CBFA2T2: variants seen among roughly 807,000 people sequenced by gnomAD.
CBFA2T2 encodes protein CBFA2T2.
A neutral mutation model predicts 62.2 loss-of-function variants in CBFA2T2; 11 were observed. The ratio of observed to expected loss-of-function variants is 0.18; its 90% CI spans 0.11 to 0.29. The LOEUF (loss-of-function observed/expected upper bound fraction) is 0.29. Among genes scored for constraint, CBFA2T2 ranks in the 10% least tolerant of loss-of-function variants. The probability of loss-of-function intolerance (pLI) is 1.00; values close to 1 mark genes in which losing one functional copy is unlikely to be tolerated. For synonymous variants in CBFA2T2, 295 were observed against 287.5 expected (o/e 1.03, Z -0.27); for missense variants, 592 against 774.1 (o/e 0.76, Z 2.79).
intron 1 of CBFA2T2, among the ~76,000 whole-genome samples, chr20:33,512,750 CTT>C (rs1219735208): frequency 4.0e-4 from 55 of 137,112 alleles, no homozygotes; most frequent in East Asian, 4.2e-4. Flanking sequence ...GTATGTATGT[CTT>C]TTTTTTTTTT....
chr20:33,630,575 T>G (rs1334787058), intron 8 of CBFA2T2, among the ~76,000 whole-genome samples: 1 of 152,188 alleles, frequency 6.6e-6, no homozygotes. Context: ...CCCTTGCCTT[T>G]CAGAGTCTGA....
At position 33,629,827 on chromosome 20, in the gene CBFA2T2, T is replaced by G; in HGVS notation, c.1141T>G (p.Tyr381Asp). The G allele has an allele frequency of 6.2e-7, 1 of 1,613,922 alleles. No homozygotes were observed. Among genetic ancestry groups the G allele is most frequent in the Non-Finnish European group, 8.5e-7 (1 of 1,179,922 alleles). The change falls in exon 8 of 11, where the codon TAC (tyrosine) becomes GAC (aspartate). Residue 381 changes from tyrosine to aspartate, a missense_variant. This residue lies in a region of CBFA2T2 where 449 missense variants were observed against 551.2 expected (regional missense o/e 0.81). Coordinates refer to ENST00000342704, the MANE Select transcript of CBFA2T2 (RefSeq NM_001032999.3). ...REELNYWKRR[Y>D]NENTELRKTG... ...AGAACTCAACTACTGGAAAAGACGG[T>G]ACAATGAAAACACAGAGCTGAGGAA...
At chr20:33,641,349 C>G (rs1260293216) in intron 10 of CBFA2T2, among the ~76,000 whole-genome samples, 1 of 152,058 alleles carries the variant, frequency 6.6e-6, no homozygotes, top group African/African-American at 2.4e-5. Context: ...TGTCCAGGAC[C>G]CAGGATCCAG....
At chr20:33,516,048 G>A (rs2011594417) in intron 1 of CBFA2T2, among the ~76,000 whole-genome samples, 1 of 151,036 alleles carries the variant, frequency 6.6e-6, no homozygotes, top group Non-Finnish European at 1.5e-5. Context: ...GAGGCAGGAG[G>A]AGGCTAAGCC....
At position 33,640,330 on chromosome 20, in the gene CBFA2T2, C is replaced by T. The variant is rs2016783044; in HGVS notation, c.1298-11C>T. 1.2e-6 allele frequency: 2 copies of T among 1,606,736 alleles called. No individual in the cohort carries two copies. Among genetic ancestry groups the T allele is most frequent in the Middle Eastern group, 3.3e-4 (2 of 6,032 alleles). On this transcript the variant is annotated splice_polypyrimidine_tract_variant and intron_variant, in intron 9 of 10. Coordinates refer to ENST00000342704, the MANE Select transcript of CBFA2T2 (RefSeq NM_001032999.3). ...TCTCGGCCAGTTGATTTTACTGTCA[C>T]TTTCTTCTAGAAGAAGCTGTGAATA...
At chr20:33,575,063 A>G (rs1174620909) in intron 1 of CBFA2T2, among the ~76,000 whole-genome samples, 2 of 152,218 alleles carry the variant, frequency 1.3e-5, no homozygotes, top group African/African-American at 2.4e-5. Flanking sequence ...TTTTCATTTT[A>G]TCTGCAGGAT....
At chr20:33,626,160 A>G (rs1215018215) in intron 6 of CBFA2T2, among the ~76,000 whole-genome samples, 1 of 152,204 alleles carries the variant, frequency 6.6e-6, no homozygotes, top group African/African-American at 2.4e-5. Flanking sequence ...GGACTGCTTG[A>G]GCCCAAGAGG....
At chr20:33,534,717 A>T (rs975574938) in intron 1 of CBFA2T2, among the ~76,000 whole-genome samples, 7 of 151,196 alleles carry the variant, frequency 4.6e-5, no homozygotes, top group African/African-American at 7.3e-5. Flanking sequence ...TCTTTCAAAG[A>T]ATAGAGTTAA....
At chr20:33,573,528 C>CT (rs1489375666) in intron 1 of CBFA2T2, among the ~76,000 whole-genome samples, 1 of 151,812 alleles carries the variant, frequency 6.6e-6, no homozygotes, top group Non-Finnish European at 1.5e-5. Context: ...ATCGCCCAGG[C>CT]TGAAGTGCAG....
intron 9 of CBFA2T2, among the ~76,000 whole-genome samples, chr20:33,637,590 G>A (rs1306102858): frequency 6.6e-6 from 1 of 151,850 alleles, no homozygotes; most frequent in East Asian, 1.9e-4. Context: ...CCTTGTTGAT[G>A]ACACTCAATA....
chr20:33,534,466 C>T (rs550181256), intron 1 of CBFA2T2, among the ~76,000 whole-genome samples: 7 of 152,098 alleles, frequency 4.6e-5, no homozygotes, highest in Non-Finnish European at 8.8e-5. Context: ...GCACGCGCCA[C>T]CACGCCCGGC....
intron 1 of CBFA2T2, among the ~76,000 whole-genome samples, chr20:33,535,597 G>GT (rs1161090346): frequency 2.2e-5 from 3 of 136,704 alleles, no homozygotes; most frequent in African/African-American, 9.6e-5. Context: ...CATGGATTGA[G>GT]TTTTATTTTT....
At chr20:33,604,246 T>C (rs2015252139) in intron 1 of CBFA2T2, among the ~76,000 whole-genome samples, 1 of 152,192 alleles carries the variant, frequency 6.6e-6, no homozygotes, top group South Asian at 2.1e-4. Context: ...AGGATTTCTA[T>C]CTTCTAATCA....
In CBFA2T2 at chr20:33,554,437, C is replaced by T. The variant is rs149943526; in HGVS notation, c.35-52519C>T. Among the ~76,000 whole-genome samples the T allele has an allele frequency of 2.3e-3, 351 of 151,276 alleles. 1 individual carries two copies. Among genetic ancestry groups the T allele is most frequent in the African/African-American group, 7.9e-3 (327 of 41,292 alleles). ...CTAGGTTTTGTATTTTTAGTAGAGA[C>T]GGGGTTTCACCATGTTGACCAGGCT... On this transcript the variant is annotated intron_variant, in intron 1 of 10. Coordinates refer to ENST00000342704, the MANE Select transcript of CBFA2T2 (RefSeq NM_001032999.3).
intron 2 of CBFA2T2, among the ~76,000 whole-genome samples, chr20:33,610,857 G>T (rs982090453): frequency 1.3e-5 from 2 of 152,126 alleles, no homozygotes; most frequent in African/African-American, 2.4e-5. Flanking sequence ...TGTAGAGTTA[G>T]ATTTCCCTTC....
chr20:33,604,734 T>A (rs558178765), intron 1 of CBFA2T2, among the ~76,000 whole-genome samples: 2 of 152,206 alleles, frequency 1.3e-5, no homozygotes, highest in Non-Finnish European at 1.5e-5. Flanking sequence ...TAGAGCCAGG[T>A]GGTCTGAAGA....
rs1555840419 is a variant in CBFA2T2 at position 33,592,382 on chromosome 20, A to ATATATATATATATATAATTATGTAAAAAT, written c.35-14564_35-14563insTATATAATTATGTAAAAATTATATATATA. On this transcript the variant is annotated intron_variant, in intron 1 of 10. Coordinates refer to ENST00000342704, the MANE Select transcript of CBFA2T2 (RefSeq NM_001032999.3). Reference sequence around the variant, plus strand: ...CTGTCTCAAAAAAAATTTTATATATATATATATATAATTATGTAAAAATTA... The same window carrying ATATATATATATATATAATTATGTAAAAAT: ...CTGTCTCAAAAAAAATTTTATATATATATATATATATATATAATTATGTAAAAATTATATATATAATTATGTAAAAATTA... 9.7e-4 allele frequency among the ~76,000 whole-genome samples: 139 copies of ATATATATATATATATAATTATGTAAAAAT among 142,602 alleles called. 1 individual carries two copies. Among genetic ancestry groups the ATATATATATATATATAATTATGTAAAAAT allele is most frequent in the South Asian group, 1.5e-3 (7 of 4,550 alleles). The allele number at this position is 142,602 out of a possible 152,430, so 93.6% of individuals were successfully genotyped here.
intron 1 of CBFA2T2, among the ~76,000 whole-genome samples, chr20:33,523,223 A>G (rs577840183): frequency 5.3e-5 from 8 of 152,260 alleles, no homozygotes; most frequent in African/African-American, 1.7e-4. Flanking sequence ...GGTGATTCAT[A>G]TGAACATTAA....
At chr20:33,509,354 G>A (rs762573358) in intron 1 of CBFA2T2, among the ~76,000 whole-genome samples, 15 of 151,986 alleles carry the variant, frequency 9.9e-5, no homozygotes, top group African/African-American at 9.6e-5. Flanking sequence ...GCGACACAGC[G>A]AGACTCCCTC....
Sources: allele counts gnomAD v4.1 joint callset (sites outside exome capture counted in the v4.1 genomes callset), GRCh38; gene constraint gnomAD v4.1.1; regional missense constraint gnomAD v4.1.1; transcripts MANE v1.5; gene names NCBI Gene and HGNC (gene_info 2026-07-23, HGNC 2026-07-21).